The following EYS variants were observed in gnomAD, a reference collection of about 807,000 sequenced individuals.
The protein encoded by EYS is protein eyes shut homolog.
Under a neutral mutation model 282.1 loss-of-function variants are expected in EYS, and 250 were observed. That is an observed-to-expected ratio of 0.89 (90% CI 0.80 to 0.98). EYS has a LOEUF of 0.98. Among genes scored for constraint, EYS ranks in the 50% least tolerant of loss-of-function variants. The pLI is 0.00. For synonymous variants in EYS, 1,355 were observed against 1,282.9 expected (o/e 1.06, Z -1.20); for missense variants, 4,016 against 3,709.0 (o/e 1.08, Z -2.15).
chr6:64,627,578 C>CT (rs1767647509), intron 22 of EYS, among the ~76,000 whole-genome samples: 1 of 152,180 alleles, frequency 6.6e-6, no homozygotes, highest in Non-Finnish European at 1.5e-5. Flanking sequence ...TTGGTCTGTA[C>CT]TTATCAGCTA....
chr6:63,968,600 T>C (rs888934191), intron 35 of EYS, among the ~76,000 whole-genome samples: 1 of 152,202 alleles, frequency 6.6e-6, no homozygotes, highest in Non-Finnish European at 1.5e-5. Flanking sequence ...AGTTTGAATA[T>C]TAGCTATGCG....
intron 31 of EYS, among the ~76,000 whole-genome samples, chr6:64,192,038 T>G (rs370766765): frequency 7.5e-5 from 10 of 132,498 alleles, no homozygotes; most frequent in South Asian, 2.5e-4. Context: ...GTGTGAGATG[T>G]TATCTCATTG....
intron 2 of EYS, among the ~76,000 whole-genome samples, chr6:65,588,003 G>A (rs1765112563): frequency 6.6e-6 from 1 of 152,040 alleles, no homozygotes; most frequent in Non-Finnish European, 1.5e-5. Flanking sequence ...CCAGCTGGTT[G>A]TTTACTTTTC....
At chr6:64,081,417 T>G (rs1771963447) in intron 32 of EYS, among the ~76,000 whole-genome samples, 1 of 152,138 alleles carries the variant, frequency 6.6e-6, no homozygotes. Context: ...AAAAACCAGC[T>G]TATATCAAGA....
chr6:65,576,112 G>A (rs1229846956), intron 2 of EYS, among the ~76,000 whole-genome samples: 1 of 151,816 alleles, frequency 6.6e-6, no homozygotes, highest in South Asian at 2.1e-4. Flanking sequence ...CAAATTCAGA[G>A]AGCACACTAC....
At chr6:64,801,388 C>A (rs9345521) in intron 22 of EYS, among the ~76,000 whole-genome samples, 75,079 of 151,886 alleles carry the variant, frequency 0.49, 20,038 homozygotes, top group Admixed American at 0.63. Flanking sequence ...CACAGAAAAA[C>A]TGTATTTTTA....
At chr6:64,186,884 G>A (rs550017385) in intron 31 of EYS, among the ~76,000 whole-genome samples, 1 of 152,234 alleles carries the variant, frequency 6.6e-6, no homozygotes, top group Admixed American at 6.5e-5. Context: ...GATAATAAGC[G>A]ACCGCTTTCC....
At chr6:65,301,588 G>A (rs1338110416) in intron 11 of EYS, among the ~76,000 whole-genome samples, 1 of 152,238 alleles carries the variant, frequency 6.6e-6, no homozygotes, top group African/African-American at 2.4e-5. Flanking sequence ...TCATCGGTTC[G>A]GGTCCCACTA....
At chr6:64,915,414 C>T (rs369637416) in intron 15 of EYS, among the ~76,000 whole-genome samples, 3 of 151,992 alleles carry the variant, frequency 2.0e-5, no homozygotes, top group Admixed American at 6.6e-5. Context: ...GATATAAGGT[C>T]CTCAGTGTTG....
In EYS at chr6:64,295,391, A is replaced by G. The variant is rs1768896146; in HGVS notation, c.6191+11579T>C. ...AGAAGGAAGAAGAAGAAGAAGAAGG[A>G]AGAAGAAGAGGAAGGAGAGGAAAGA... On this transcript the variant is annotated intron_variant, in intron 30 of 42. Coordinates refer to ENST00000503581, the MANE Select transcript of EYS (RefSeq NM_001142800.2). 1.8e-3 allele frequency among the ~76,000 whole-genome samples: 2 copies of G among 1,140 alleles called. 1 individual carries two copies. Among genetic ancestry groups the G allele is most frequent in the African/African-American group, 0.03 (2 of 66 alleles). 0.7% of individuals were successfully genotyped at this position (1,140 alleles called of 152,430 possible).
Position 64,590,303 on chromosome 6 carries a change from C to A in EYS, c.5564G>T (p.Ser1855Ile). The part of the protein sequence containing the change: ...SVQYQEFPTA[S>I]RHLPFTRSLT... ...AGATCTAGTGAAGGGAAGATGCCGGCTTGCAGTGGGAAATTCCTGATATTG... is the reference window on the plus strand; with the variant it reads ...AGATCTAGTGAAGGGAAGATGCCGGATTGCAGTGGGAAATTCCTGATATTG... The change falls in exon 26 of 43, where the codon AGC (serine) becomes ATC (isoleucine). Residue 1855 changes from serine to isoleucine, a missense_variant. Coordinates refer to ENST00000503581, the MANE Select transcript of EYS (RefSeq NM_001142800.2). 6.4e-7 allele frequency: 1 copy of A among 1,551,148 alleles called. No individual in the cohort carries two copies. Among genetic ancestry groups the A allele is most frequent in the Non-Finnish European group, 8.7e-7 (1 of 1,146,600 alleles).
intron 11 of EYS, among the ~76,000 whole-genome samples, chr6:65,301,458 G>A (rs1052939587): frequency 2.6e-5 from 4 of 152,194 alleles, no homozygotes; most frequent in Non-Finnish European, 5.9e-5. Flanking sequence ...GTAGCCGGGC[G>A]CCATCTTTGA....
chr6:64,254,253 C>G (rs1767317680), intron 30 of EYS, among the ~76,000 whole-genome samples: 1 of 152,076 alleles, frequency 6.6e-6, no homozygotes, highest in Non-Finnish European at 1.5e-5. Flanking sequence ...GTTTGGAAAA[C>G]AGTCTGAATG....
At chr6:65,238,748 C>A (rs755835403) in intron 12 of EYS, among the ~76,000 whole-genome samples, 28 of 151,952 alleles carry the variant, frequency 1.8e-4, no homozygotes, top group Middle Eastern at 3.4e-3. Flanking sequence ...GGTTTTAAAT[C>A]TTATTCAATG....
intron 31 of EYS, among the ~76,000 whole-genome samples, chr6:64,178,671 A>G (rs1201104412): frequency 1.3e-5 from 2 of 152,066 alleles, no homozygotes; most frequent in African/African-American, 4.8e-5. Flanking sequence ...GGAAATTGAC[A>G]TGACAAACAA....
At chr6:65,587,718 A>G (rs1443306653) in intron 2 of EYS, among the ~76,000 whole-genome samples, 1 of 152,150 alleles carries the variant, frequency 6.6e-6, no homozygotes, top group Non-Finnish European at 1.5e-5. Context: ...AGAGTTAAAA[A>G]GAAAACATAA....
intron 26 of EYS, among the ~76,000 whole-genome samples, chr6:64,563,452 T>C (rs1765467021): frequency 1.3e-5 from 2 of 152,072 alleles, no homozygotes; most frequent in African/African-American, 4.8e-5. Flanking sequence ...TATTCAAAAT[T>C]CTGACACCAA....
chr6:64,821,635 T>C lies in EYS; in HGVS notation c.3243+10A>G. 7.2e-7 allele frequency: 1 copy of C among 1,380,792 alleles called. No homozygotes were observed. The highest frequency in any genetic ancestry group is 9.9e-7 in the Non-Finnish European group (1 of 1,013,544). The allele number at this position is 1,380,792 out of a possible 1,614,324, so 85.5% of individuals were successfully genotyped here. Reference sequence around the variant, plus strand: ...TTGTCATATAACTTGAATAAAATTATAAGACTTACATTAATTTTGATCTTA... The same window carrying C: ...TTGTCATATAACTTGAATAAAATTACAAGACTTACATTAATTTTGATCTTA... On this transcript the variant is annotated intron_variant, in intron 21 of 42. Transcript: ENST00000503581.
chr6:64,772,121 A>G (rs776192273), intron 22 of EYS, among the ~76,000 whole-genome samples: 5 of 151,700 alleles, frequency 3.3e-5, no homozygotes, highest in Non-Finnish European at 7.4e-5. Flanking sequence ...ATAAAAATAT[A>G]TCTTTATTCA....
Sources: gnomAD v4.1 joint callset for allele counts (sites outside exome capture counted in the v4.1 genomes callset) on GRCh38, gnomAD v4.1.1 for gene constraint, MANE v1.5 for transcripts, NCBI Gene and HGNC (gene_info 2026-07-23, HGNC 2026-07-21) for gene names.